COQ10B: variants seen among roughly 807,000 people sequenced by gnomAD.
COQ10B encodes the protein coenzyme Q10B, also known as coenzyme Q-binding protein COQ10 homolog B, mitochondrial.
In COQ10B, 12 loss-of-function variants were observed where a neutral mutation model predicts 27.6. The ratio of observed to expected loss-of-function variants is 0.43; its 90% CI spans 0.28 to 0.70. The LOEUF (loss-of-function observed/expected upper bound fraction) is 0.70, where lower values mean the gene tolerates loss of function less well. COQ10B is among the 30% of genes least tolerant of loss of function. The pLI is 0.17. For missense variants in COQ10B, 278 were observed against 288.7 expected (o/e 0.96, Z 0.27); for synonymous variants, 115 against 103.0 (o/e 1.12, Z -0.71).
intron 1 of COQ10B, among the ~76,000 whole-genome samples, chr2:197,456,867 T>G (rs1487732080): frequency 6.6e-6 from 1 of 151,706 alleles, no homozygotes; most frequent in African/African-American, 2.4e-5. Flanking sequence ...TAGGGAGAGA[T>G]TTGTTGAAGG....
chr2:197,467,231 G>A (rs916641181), intron 3 of COQ10B, among the ~76,000 whole-genome samples: 1 of 151,790 alleles, frequency 6.6e-6, no homozygotes, highest in African/African-American at 2.4e-5. Flanking sequence ...ACAGGAATGA[G>A]CCACCATGCC....
intron 1 of COQ10B, among the ~76,000 whole-genome samples, chr2:197,456,809 TAGAAC>T (rs938300039): frequency 7.9e-5 from 12 of 151,668 alleles, no homozygotes; most frequent in African/African-American, 2.4e-4. Flanking sequence ...AAATTGATCT[TAGAAC>T]AGAGGATACT....
intron 2 of COQ10B, among the ~76,000 whole-genome samples, chr2:197,461,576 T>C (rs2085758090): frequency 1.3e-5 from 2 of 151,238 alleles, no homozygotes; most frequent in African/African-American, 4.9e-5. Flanking sequence ...TGTGTGTGTG[T>C]GTGTGTGTGT....
At chr2:197,463,771 A>G (rs2085786463) in intron 3 of COQ10B, among the ~76,000 whole-genome samples, 1 of 149,766 alleles carries the variant, frequency 6.7e-6, no homozygotes, top group Admixed American at 6.7e-5. Flanking sequence ...CGTCTCTACT[A>G]AAAATACGAA....
chr2:197,473,415 A>ATATAT (rs1553575308), intron 4 of COQ10B, among the ~76,000 whole-genome samples: 916 of 58,718 alleles, frequency 0.016, 7 homozygotes, highest in Non-Finnish European at 0.021. Flanking sequence ...AAAAAAAAAA[A>ATATAT]ATATATATAT....
intron 1 of COQ10B, chr2:197,454,138 A>C: frequency 6.5e-7 from 1 of 1,550,088 alleles, no homozygotes. Flanking sequence ...CTCGCCATTT[A>C]GTGTTTACAA....
chr2:197,471,300 A>G (rs1350829375), intron 4 of COQ10B, among the ~76,000 whole-genome samples: 1 of 151,872 alleles, frequency 6.6e-6, no homozygotes, highest in Non-Finnish European at 1.5e-5. Context: ...GCACCACCAC[A>G]CAGGCTTATT....
In COQ10B at chr2:197,462,658, T is replaced by A; in HGVS notation, c.374T>A (p.Leu125Ter). Residue 125 changes from leucine (L) to a stop codon, truncating the protein, a stop_gained, in exon 3 of 5, where the codon TTA becomes TAA. Transcript: ENST00000263960. LOFTEE classifies it high-confidence loss of function. ...SKRSGYCKTR[L>*]EIGFPPVLER... Reference sequence around the variant, plus strand: ...AGATCTGGATATTGTAAAACAAGATTAGAAATTGGATTTCCACCTGTGTTG... The same window carrying A: ...AGATCTGGATATTGTAAAACAAGATAAGAAATTGGATTTCCACCTGTGTTG... The A allele has an allele frequency of 6.2e-7, 1 of 1,604,322 alleles. No individual in the cohort carries two copies. The highest frequency in any genetic ancestry group is 8.5e-7 in the Non-Finnish European group (1 of 1,175,704).
At chr2:197,454,259 T>A in intron 1 of COQ10B, 1 of 920,302 alleles carries the variant, frequency 1.1e-6, no homozygotes. Context: ...TGGTTCATTT[T>A]TTGGTAGGTG....
chr2:197,472,817 A>AT (rs1161050025), intron 4 of COQ10B, among the ~76,000 whole-genome samples: 1 of 149,868 alleles, frequency 6.7e-6, no homozygotes, highest in Non-Finnish European at 1.5e-5. Flanking sequence ...AAAAAAAAAA[A>AT]AAAAGAAAGA....
intron 1 of COQ10B, among the ~76,000 whole-genome samples, chr2:197,457,865 G>A (rs967654557): frequency 1.3e-5 from 2 of 151,826 alleles, no homozygotes; most frequent in African/African-American, 4.8e-5. Context: ...CAGTTGATCC[G>A]CCTACCTCAG....
chr2:197,455,987 A>G (rs191539943), intron 1 of COQ10B, among the ~76,000 whole-genome samples: 135 of 152,112 alleles, frequency 8.9e-4, no homozygotes, highest in African/African-American at 3.1e-3. Flanking sequence ...AAAACAGAAG[A>G]ATGGATAAAG....
At chr2:197,469,944 T>C in intron 3 of COQ10B, 126 bp from the exon 4 acceptor site, 1 of 495,984 alleles carries the variant, frequency 2.0e-6, no homozygotes, top group East Asian at 3.4e-5. Flanking sequence ...TATCTTTATC[T>C]CCTATGGTCT....
intron 3 of COQ10B, among the ~76,000 whole-genome samples, chr2:197,465,600 C>T (rs1295207440): frequency 6.6e-6 from 1 of 152,138 alleles, no homozygotes; most frequent in African/African-American, 2.4e-5. Context: ...CCTCTCTCCC[C>T]TGCCTTCTTA....
intron 1 of COQ10B, among the ~76,000 whole-genome samples, chr2:197,457,257 C>T (rs540394157): frequency 1.3e-5 from 2 of 152,244 alleles, no homozygotes; most frequent in East Asian, 1.9e-4. Context: ...GTTGGGGATC[C>T]GTCTTCTATA....
intron 4 of COQ10B, among the ~76,000 whole-genome samples, chr2:197,470,886 A>G (rs568064515): frequency 6.6e-6 from 1 of 152,190 alleles, no homozygotes; most frequent in East Asian, 1.9e-4. Flanking sequence ...CAAGAGCAAA[A>G]CTGTCTCAAA....
intron 3 of COQ10B, among the ~76,000 whole-genome samples, chr2:197,469,861 G>GA (rs2085861054): frequency 1.3e-5 from 2 of 151,654 alleles, no homozygotes; most frequent in Non-Finnish European, 2.9e-5. Flanking sequence ...CAATCTTAGG[G>GA]ATCCCTGCAG....
At chr2:197,473,170 A>G (rs894379903) in intron 4 of COQ10B, among the ~76,000 whole-genome samples, 4 of 151,876 alleles carry the variant, frequency 2.6e-5, no homozygotes, top group African/African-American at 9.7e-5. Context: ...GGTGCTAAAA[A>G]TCCCACCTAC....
intron 4 of COQ10B, among the ~76,000 whole-genome samples, chr2:197,472,769 C>T (rs1252314537): frequency 6.9e-6 from 1 of 144,190 alleles, no homozygotes; most frequent in Non-Finnish European, 1.5e-5. Flanking sequence ...TGGGCCATTT[C>T]CAGCCTGGGC....
Sources: gnomAD v4.1 joint callset for allele counts (sites outside exome capture counted in the v4.1 genomes callset) on GRCh38, gnomAD v4.1.1 for gene constraint, MANE v1.5 for transcripts, NCBI Gene and HGNC (gene_info 2026-07-23, HGNC 2026-07-21) for gene names.